The following SHROOM3 variants were observed in gnomAD, a reference collection of about 807,000 sequenced individuals.
SHROOM3 encodes protein Shroom3.
A neutral mutation model predicts 138.6 loss-of-function variants in SHROOM3; 47 were observed. The ratio of observed to expected loss-of-function variants is 0.34; its 90% CI spans 0.27 to 0.43. The LOEUF (loss-of-function observed/expected upper bound fraction) is 0.43, where lower values mean the gene tolerates loss of function less well. SHROOM3 is among the 20% of genes least tolerant of loss of function. The probability of loss-of-function intolerance (pLI) is 1.00; values close to 1 mark genes in which losing one functional copy is unlikely to be tolerated. For missense variants in SHROOM3, 2,491 were observed against 2,596.5 expected (o/e 0.96, Z 0.88); for synonymous variants, 1,062 against 1,063.3 (o/e 1.00, Z 0.02).
At chr4:76,748,837 TAAATCTTCGGC>T (rs1721532947) in intron 5 of SHROOM3, among the ~76,000 whole-genome samples, 169 bp from the exon 6 acceptor site, 1 of 144,256 alleles carries the variant, frequency 6.9e-6, no homozygotes, top group Non-Finnish European at 1.5e-5. Context: ...TTTTTTTTTT[TAAATCTTCGGC>T]TTATCTCCTG....
chr4:76,738,347 TTAAC>T (rs1398214893), intron 4 of SHROOM3, among the ~76,000 whole-genome samples: 1 of 152,206 alleles, frequency 6.6e-6, no homozygotes, highest in Non-Finnish European at 1.5e-5. Flanking sequence ...TATTCTCTTA[TTAAC>T]TTTTTCCCCT....
intron 2 of SHROOM3, among the ~76,000 whole-genome samples, chr4:76,575,243 G>A (rs941271986): frequency 6.6e-6 from 1 of 152,110 alleles, no homozygotes; most frequent in Non-Finnish European, 1.5e-5. Context: ...CCCACAACTA[G>A]TATCACACTG....
chr4:76,600,900 T>C (rs905532094), intron 2 of SHROOM3, among the ~76,000 whole-genome samples: 2 of 152,214 alleles, frequency 1.3e-5, no homozygotes, highest in Non-Finnish European at 2.9e-5. Context: ...TGGTTTTGAT[T>C]GCCACTGAAT....
chr4:76,670,511 C>T (rs1718846884), intron 2 of SHROOM3, among the ~76,000 whole-genome samples: 1 of 151,914 alleles, frequency 6.6e-6, no homozygotes, highest in Non-Finnish European at 1.5e-5. Flanking sequence ...GTGATGGTTG[C>T]AAAACTCTAT....
intron 2 of SHROOM3, among the ~76,000 whole-genome samples, chr4:76,690,957 C>T (rs1346946474): frequency 6.6e-6 from 1 of 152,116 alleles, no homozygotes; most frequent in Non-Finnish European, 1.5e-5. Flanking sequence ...ATAACTTATT[C>T]ACATTGCCCA....
At chr4:76,525,093 G>A (rs981344542) in intron 1 of SHROOM3, among the ~76,000 whole-genome samples, 1 of 152,122 alleles carries the variant, frequency 6.6e-6, no homozygotes, top group Admixed American at 6.6e-5. Flanking sequence ...GCTAGCATTT[G>A]GTATTTGTAT....
intron 1 of SHROOM3, among the ~76,000 whole-genome samples, chr4:76,508,321 C>T (rs1439318885): frequency 6.6e-6 from 1 of 152,130 alleles, no homozygotes; most frequent in African/African-American, 2.4e-5. Context: ...ATTCTTTTCC[C>T]CATTTAATTT....
intron 2 of SHROOM3, among the ~76,000 whole-genome samples, chr4:76,642,805 G>A (rs909595148): frequency 6.6e-6 from 1 of 152,102 alleles, no homozygotes; most frequent in Non-Finnish European, 1.5e-5. Flanking sequence ...GATCTGGGTG[G>A]GGGAGGAGGG....
intron 2 of SHROOM3, among the ~76,000 whole-genome samples, chr4:76,579,245 G>T (rs1201241181): frequency 1.3e-5 from 2 of 151,790 alleles, no homozygotes; most frequent in African/African-American, 4.8e-5. Flanking sequence ...AAGGCGGGCA[G>T]ATCACGAGGT....
At chr4:76,633,620 G>A (rs1247848758) in intron 2 of SHROOM3, among the ~76,000 whole-genome samples, 3 of 137,702 alleles carry the variant, frequency 2.2e-5, no homozygotes, top group Admixed American at 8.0e-5. Flanking sequence ...TTGCGCCACC[G>A]CACTCCAGCC....
chr4:76,702,637 C>A (rs1419763546), intron 2 of SHROOM3, among the ~76,000 whole-genome samples: 1 of 152,138 alleles, frequency 6.6e-6, no homozygotes, highest in African/African-American at 2.4e-5. Flanking sequence ...CATTACACAG[C>A]CTGCTGCTTG....
chr4:76,612,538 T>C (rs1300936263), intron 2 of SHROOM3, among the ~76,000 whole-genome samples: 3 of 152,198 alleles, frequency 2.0e-5, no homozygotes, highest in African/African-American at 7.2e-5. Flanking sequence ...TTAGTGGTCT[T>C]CATATAAAAT....
rs1303433825 is a variant in SHROOM3 at position 76,739,971 on chromosome 4, C to A, written c.1798C>A (p.Pro600Thr). The change falls in exon 5 of 11, where the codon CCC becomes ACC. Residue 600 changes from proline to threonine, a missense_variant. Pro to Thr is a conservative substitution (Grantham distance 38). This residue lies in a region of SHROOM3 where 1,733 missense variants were observed against 1,661.6 expected (regional missense o/e 1.04). Transcript: ENST00000296043. ...CCACAGTAACAAACCATCTTCTCAT[C>A]CCCACAGCCTCAAATGCCCTCAGGC... ...STHSNKPSSH[P>T]HSLKCPQAQA... 1 of 1,614,142 alleles carries A rather than the reference C, an allele frequency of 6.2e-7. No homozygotes were observed. The highest frequency in any genetic ancestry group is 1.6e-4 in the Middle Eastern group (1 of 6,062).
chr4:76,577,619 T>G (rs1208455660), intron 2 of SHROOM3, among the ~76,000 whole-genome samples: 2 of 152,224 alleles, frequency 1.3e-5, no homozygotes, highest in Non-Finnish European at 2.9e-5. Context: ...TAAAGAATCT[T>G]TAGAAAAATG....
At chr4:76,549,964 G>A (rs77297780) in intron 1 of SHROOM3, among the ~76,000 whole-genome samples, 4,317 of 152,152 alleles carry the variant, frequency 0.028, 205 homozygotes, top group African/African-American at 0.099. Flanking sequence ...GAGGAATCCT[G>A]GCACCAAGCA....
intron 1 of SHROOM3, among the ~76,000 whole-genome samples, chr4:76,463,672 A>G (rs1731188141): frequency 6.6e-6 from 1 of 152,250 alleles, no homozygotes; most frequent in Admixed American, 6.5e-5. Context: ...TTCATGGGCC[A>G]GGTCCAAAGC....
At position 76,619,009 on chromosome 4, in the gene SHROOM3, G is replaced by A. The variant is rs112843192; in HGVS notation, c.323+63246G>A. 1.6e-4 allele frequency among the ~76,000 whole-genome samples: 25 copies of A among 152,076 alleles called. 1 individual carries two copies. The highest frequency in any genetic ancestry group is 2.5e-4 in the Non-Finnish European group (17 of 67,984). ...ATAATAGGCACCTGCCACCATGCCC[G>A]GCTAATTTTTGTATTTTTAGTAGAG... On this transcript the variant is annotated intron_variant, in intron 2 of 10. Transcript: ENST00000296043.
intron 2 of SHROOM3, among the ~76,000 whole-genome samples, chr4:76,678,079 T>A (rs1719092152): frequency 6.6e-6 from 1 of 152,110 alleles, no homozygotes; most frequent in Non-Finnish European, 1.5e-5. Flanking sequence ...GAGAGGTGAA[T>A]TAGCTTTTTT....
intron 1 of SHROOM3, among the ~76,000 whole-genome samples, chr4:76,504,908 G>A (rs944100438): frequency 1.3e-5 from 2 of 152,196 alleles, no homozygotes; most frequent in African/African-American, 2.4e-5. Flanking sequence ...GAAAAGTGCA[G>A]AGCTGGCCAA....
Sources: allele counts gnomAD v4.1 joint callset (sites outside exome capture counted in the v4.1 genomes callset), GRCh38; gene constraint gnomAD v4.1.1; regional missense constraint gnomAD v4.1.1; transcripts MANE v1.5; gene names NCBI Gene and HGNC (gene_info 2026-07-23, HGNC 2026-07-21).